The following DACH2 variants were observed in gnomAD, a reference collection of about 807,000 sequenced individuals.
The protein encoded by DACH2 is dachshund homolog 2.
Under a neutral mutation model 35.8 loss-of-function variants are expected in DACH2, and 17 were observed. That is an observed-to-expected ratio of 0.48 (90% CI 0.33 to 0.71). DACH2 has a LOEUF of 0.71. Ranked by LOEUF, DACH2 falls within the 30% of genes least tolerant of loss-of-function variation. The probability of loss-of-function intolerance (pLI) is 0.02; values close to 1 mark genes in which losing one functional copy is unlikely to be tolerated. For missense variants in DACH2, 469 were observed against 472.7 expected, an observed-to-expected ratio of 0.99 and a Z score of 0.07; for synonymous variants, 195 against 177.3, an observed-to-expected ratio of 1.10 and a Z score of -0.79.
chrX:86,468,154 C>A (rs68061117), intron 2 of DACH2, among the ~76,000 whole-genome samples: 48,503 of 110,575 alleles, frequency 0.44, 8,257 homozygotes, highest in Admixed American at 0.61. Context: ...ATATTTTAAT[C>A]TAGAAATATA....
At chrX:86,722,918 G>A (rs1180000827) in intron 6 of DACH2, among the ~76,000 whole-genome samples, 1 of 111,255 alleles carries the variant, frequency 9.0e-6, no homozygotes, top group Non-Finnish European at 1.9e-5. Context: ...GATGATTGGT[G>A]TTAGTAGAAT....
intron 4 of DACH2, among the ~76,000 whole-genome samples, chrX:86,667,989 G>A (rs182226405): frequency 8.9e-6 from 1 of 111,779 alleles, no homozygotes; most frequent in Admixed American, 9.5e-5. Flanking sequence ...TTCACTGAAG[G>A]AAAATATATA....
At chrX:86,361,655 A>T (rs1475656467) in intron 1 of DACH2, among the ~76,000 whole-genome samples, 1 of 112,088 alleles carries the variant, frequency 8.9e-6, no homozygotes, top group Non-Finnish European at 1.9e-5. Flanking sequence ...AAACAGTATA[A>T]GCATATTTGT....
chrX:86,172,645 T>C (rs2031162718), intron 1 of DACH2, among the ~76,000 whole-genome samples: 3 of 112,193 alleles, frequency 2.7e-5, no homozygotes, highest in African/African-American at 9.7e-5. Context: ...ATGCTGTCTC[T>C]TGAATGATGG....
chrX:86,521,701 G>T, intron 3 of DACH2, among the ~76,000 whole-genome samples: 1 of 111,903 alleles, frequency 8.9e-6, no homozygotes. Flanking sequence ...AGTTAAAAAA[G>T]TAATCAAGGG....
chrX:86,638,813 T>C (rs963210757), intron 3 of DACH2, among the ~76,000 whole-genome samples: 8 of 111,909 alleles, frequency 7.1e-5, no homozygotes, highest in South Asian at 3.7e-4. Flanking sequence ...TGTTAGTGGG[T>C]GTGTAAATTA....
intron 3 of DACH2, among the ~76,000 whole-genome samples, chrX:86,617,500 A>G (rs762234017): frequency 6.3e-5 from 7 of 111,215 alleles, no homozygotes; most frequent in African/African-American, 2.3e-4. Context: ...CTCTCTGTTC[A>G]GCTGTATTCC....
intron 1 of DACH2, among the ~76,000 whole-genome samples, chrX:86,268,030 C>T (rs888154236): frequency 8.9e-6 from 1 of 111,846 alleles, no homozygotes; most frequent in Non-Finnish European, 1.9e-5. Context: ...ATTGGGAGAA[C>T]AGCAGTAGAT....
chrX:86,471,846 A>G (rs1209362008), intron 2 of DACH2, among the ~76,000 whole-genome samples: 1 of 111,648 alleles, frequency 9.0e-6, no homozygotes, highest in Non-Finnish European at 1.9e-5. Flanking sequence ...ACCACCTATT[A>G]TATTCTTGAA....
intron 6 of DACH2, among the ~76,000 whole-genome samples, chrX:86,727,598 G>A (rs1291768): frequency 0.23 from 24,777 of 110,025 alleles, 2,329 homozygotes; most frequent in Admixed American, 0.44. Flanking sequence ...TGAATGGCTT[G>A]GGGCATCTCT....
In DACH2 at chrX:86,282,774, CTT is replaced by C. The variant is rs746321715; in HGVS notation, c.489-94030_489-94029del. On this transcript the variant is annotated intron_variant, in intron 1 of 11. Transcript: ENST00000373125. ...GGGCAAATGCTATGAACAGACACTT[CTT>C]TTTTTTTTTTTTTTTTTTTGAGACG... 2.1e-4 allele frequency among the ~76,000 whole-genome samples: 8 copies of C among 37,751 alleles called. 1 individual carries two copies. Among genetic ancestry groups the C allele is most frequent in the Non-Finnish European group, 1.9e-4 (5 of 26,298 alleles). 32.8% of individuals were successfully genotyped at this position (37,751 alleles called of 115,157 possible).
intron 1 of DACH2, among the ~76,000 whole-genome samples, chrX:86,290,899 G>A (rs1371949921): frequency 2.4e-4 from 26 of 107,594 alleles, no homozygotes; most frequent in Admixed American, 3.0e-4. Flanking sequence ...TTGACTTGGC[G>A]ATGCGGGCTC....
Position 86,415,052 on chromosome X carries a change from G to A in DACH2, c.527+38190G>A, listed in dbSNP as rs182501943. Among the ~76,000 whole-genome samples the A allele has an allele frequency of 2.8e-3, 315 of 111,865 alleles. 2 individuals carry two copies. The highest frequency in any genetic ancestry group is 0.018 in the Middle Eastern group (4 of 218). On this transcript the variant is annotated intron_variant, in intron 2 of 11. Transcript: ENST00000373125. The stretch of plus-strand genomic sequence containing the variant: ...ATTAAGCGTCACAGTACATGTGAAT[G>A]TTTTCATGCAGCTATATGGCTTTGA...
intron 1 of DACH2, among the ~76,000 whole-genome samples, chrX:86,194,607 G>A (rs747236090): frequency 8.9e-6 from 1 of 112,651 alleles, no homozygotes; most frequent in South Asian, 3.7e-4. Flanking sequence ...ACCTGCTCTT[G>A]CCATGGACCT....
intron 2 of DACH2, among the ~76,000 whole-genome samples, chrX:86,427,814 C>T (rs1392592673): frequency 1.8e-5 from 2 of 111,615 alleles, no homozygotes; most frequent in African/African-American, 6.5e-5. Context: ...ATCAAATGAC[C>T]TAGCTGACAG....
At chrX:86,676,192 G>C (rs1214531154) in intron 4 of DACH2, among the ~76,000 whole-genome samples, 2 of 111,879 alleles carry the variant, frequency 1.8e-5, no homozygotes, top group Non-Finnish European at 3.8e-5. Flanking sequence ...CTATGTAAGG[G>C]AAATTGTGGG....
intron 1 of DACH2, among the ~76,000 whole-genome samples, chrX:86,191,141 C>A (rs889896594): frequency 2.7e-5 from 3 of 111,171 alleles, no homozygotes; most frequent in African/African-American, 6.5e-5. Context: ...ATACTCAAAG[C>A]AATATAAATC....
At position 86,467,870 on chromosome X, in the gene DACH2, A is replaced by G. The variant is rs2037699140; in HGVS notation, c.528-46409A>G. On this transcript the variant is annotated intron_variant, in intron 2 of 11. Transcript: ENST00000373125. The stretch of plus-strand genomic sequence containing the variant: ...GGGGAAAGCTTCTTGTAAAACCGTC[A>G]GATCTCATGGAACTCACTCACTGTC... Among the ~76,000 whole-genome samples, 4 of 111,627 alleles carry G rather than the reference A, an allele frequency of 3.6e-5. No homozygotes were observed. In the South Asian group the frequency reaches 1.5e-3, roughly 42 times the overall value.
chrX:86,324,667 CT>C (rs1473511545), intron 1 of DACH2, among the ~76,000 whole-genome samples: 2 of 102,882 alleles, frequency 1.9e-5, no homozygotes, highest in African/African-American at 7.2e-5. Context: ...CAAGCTCCGC[CT>C]CCCGGGTTCA....
Sources: allele counts gnomAD v4.1 joint callset (sites outside exome capture counted in the v4.1 genomes callset), GRCh38; gene constraint gnomAD v4.1.1; transcripts MANE v1.5; gene names NCBI Gene and HGNC (gene_info 2026-07-23, HGNC 2026-07-21).